EHMT1: variants seen among roughly 807,000 people sequenced by gnomAD.
The protein encoded by EHMT1 is histone-lysine N-methyltransferase EHMT1.
In EHMT1, 15 loss-of-function variants were observed where a neutral mutation model predicts 147.2. The observed-to-expected ratio is 0.10, with a 90% CI of 0.07 to 0.16. EHMT1 has a LOEUF of 0.16. Among genes scored for constraint, EHMT1 ranks in the 10% least tolerant of loss-of-function variants. EHMT1 has a pLI of 1.00. For missense variants in EHMT1, 1,587 were observed against 1,772.4 expected, an observed-to-expected ratio of 0.90 and a Z score of 1.88; for synonymous variants, 795 against 709.6, an observed-to-expected ratio of 1.12 and a Z score of -1.91.
intron 2 of EHMT1, among the ~76,000 whole-genome samples, chr9:137,716,017 G>T (rs149268937): frequency 0.02 from 2,956 of 150,296 alleles, 47 homozygotes; most frequent in Non-Finnish European, 0.031. Context: ...AATTGTGTTG[G>T]TGGTGGTGTC....
intron 25 of EHMT1, 42 bp from the exon 26 acceptor site, chr9:137,834,307 G>A: frequency 6.2e-7 from 1 of 1,610,104 alleles, no homozygotes; most frequent in East Asian, 2.2e-5. Flanking sequence ...GGCGTGTCGG[G>A]GCCTTGCTAA....
At chr9:137,663,146 T>G (rs1283784273) in intron 1 of EHMT1, among the ~76,000 whole-genome samples, 7 of 152,236 alleles carry the variant, frequency 4.6e-5, no homozygotes, top group African/African-American at 1.7e-4. Flanking sequence ...CTCATTTTAT[T>G]ATCTCTTTCC....
chr9:137,675,802 T>TTTTTTTTTTTTTTG (rs35541714), intron 1 of EHMT1, among the ~76,000 whole-genome samples: 16 of 104,728 alleles, frequency 1.5e-4, no homozygotes, highest in African/African-American at 6.7e-4. Context: ...TTTTTTTTTT[T>TTTTTTTTTTTTTTG]AGACGGAGTC....
At chr9:137,784,261 C>T in intron 15 of EHMT1, 1 of 1,508,332 alleles carries the variant, frequency 6.6e-7, no homozygotes. Context: ...GGAGCAGGTC[C>T]ATTCCTGGGG....
intron 1 of EHMT1, among the ~76,000 whole-genome samples, chr9:137,693,377 G>A (rs1943103510): frequency 6.6e-6 from 1 of 152,122 alleles, no homozygotes. Flanking sequence ...GAGTCCTGCA[G>A]CCCCCGCATA....
At chr9:137,778,854 G>A (rs747567998) in intron 13 of EHMT1, among the ~76,000 whole-genome samples, 31 of 152,348 alleles carry the variant, frequency 2.0e-4, no homozygotes, top group Non-Finnish European at 3.5e-4. Context: ...GCATGGTGCT[G>A]GCATCTGCTC....
At chr9:137,821,315 G>A (rs1371314371) in intron 25 of EHMT1, among the ~76,000 whole-genome samples, 4 of 117,010 alleles carry the variant, frequency 3.4e-5, no homozygotes, top group African/African-American at 1.2e-4. Flanking sequence ...CACTGCGCCC[G>A]GCCTTTTTTT....
At chr9:137,725,577 A>T (rs966724684) in intron 3 of EHMT1, among the ~76,000 whole-genome samples, 1 of 152,182 alleles carries the variant, frequency 6.6e-6, no homozygotes, top group Non-Finnish European at 1.5e-5. Context: ...ATGTGAATCC[A>T]GGGTAGGTTC....
chr9:137,729,444 G>C (rs897815987), intron 4 of EHMT1, among the ~76,000 whole-genome samples: 2 of 151,996 alleles, frequency 1.3e-5, no homozygotes, highest in African/African-American at 2.4e-5. Context: ...AAAATTAGCC[G>C]GGCATGGTGG....
intron 6 of EHMT1, among the ~76,000 whole-genome samples, chr9:137,745,251 C>G (rs894774671): frequency 1.8e-4 from 28 of 152,166 alleles, no homozygotes; most frequent in African/African-American, 6.5e-4. Context: ...CATTTTCTAT[C>G]ATTTGTCAGA....
chr9:137,834,804 A>C lies in EHMT1; in HGVS notation c.3748A>C (p.Lys1250Gln). The part of the protein sequence containing the change: ...FDYGERFWDI[K>Q]GKLFSCRCGS... ...CTATGGAGAGCGCTTCTGGGACATC[A>C]AAGGCAAGCTCTTCAGCTGCCGCTG... Residue 1250 changes from lysine (K) to glutamine (Q), a missense_variant, in exon 27 of 27, where the codon AAA becomes CAA. Transcript: ENST00000460843. The C allele has an allele frequency of 6.2e-7, 1 of 1,612,934 alleles. No individual in the cohort carries two copies. The highest frequency in any genetic ancestry group is 1.1e-5 in the South Asian group (1 of 91,064).
intron 24 of EHMT1, 104 bp downstream of exon 24, chr9:137,817,629 G>A: frequency 6.9e-7 from 1 of 1,452,404 alleles, no homozygotes; most frequent in South Asian, 1.2e-5. Flanking sequence ...GCACATCCCT[G>A]GCGTACAGCA....
intron 1 of EHMT1, among the ~76,000 whole-genome samples, chr9:137,670,058 C>T (rs1940378967): frequency 6.6e-6 from 1 of 152,028 alleles, no homozygotes; most frequent in Non-Finnish European, 1.5e-5. Context: ...TGAGGTTTCA[C>T]CTTGTTGGCC....
Position 137,752,346 on chromosome 9 carries a change from G to A in EHMT1, c.1186G>A (p.Glu396Lys). 2 of 1,614,182 alleles carry A rather than the reference G, an allele frequency of 1.2e-6. No homozygotes were observed. The highest frequency in any genetic ancestry group is 1.7e-6 in the Non-Finnish European group (2 of 1,180,032). ...DRAQKMDGES[E>K]EEQESVDTGE... is the part of the protein sequence containing the mutation. ...GGCTGATCAGATGGACGGGGAGTCC[G>A]AGGAGGAGCAGGAGTCCGTGGACAC... The change falls in exon 7 of 27, where the codon GAG (glutamate) becomes AAG (lysine). Residue 396 changes from glutamate to lysine, a missense_variant. By Grantham distance (56) the Glu-to-Lys change is moderately conservative. Around this residue, in one of 7 missense-constraint regions of EHMT1, gnomAD observed 810 missense variants for 673.0 expected, o/e 1.20. Coordinates refer to ENST00000460843, the MANE Select transcript of EHMT1 (RefSeq NM_024757.5).
chr9:137,819,695 G>A (rs1391607119), intron 25 of EHMT1, among the ~76,000 whole-genome samples: 1 of 151,546 alleles, frequency 6.6e-6, no homozygotes, highest in Non-Finnish European at 1.5e-5. Context: ...AGGCTGAGGA[G>A]CGGCTGTGTG....
In EHMT1 at chr9:137,775,395, G is replaced by A; in HGVS notation, c.1791+143G>A. ...TGGTGTCCGTCTGGAGGTCTCCAGT[G>A]TTCACAAGCCCCTCACCACCCCTGT... On this transcript the variant is annotated intron_variant, in intron 11 of 26. Transcript: ENST00000460843. This position sits in a 1 kb window ranked among gnomAD's most constrained non-coding sequence, Gnocchi z 6.1. 1 of 1,254,266 alleles carries A rather than the reference G, an allele frequency of 8.0e-7. No homozygotes were observed. Among genetic ancestry groups the A allele is most frequent in the South Asian group, 1.4e-5 (1 of 73,392 alleles). The allele number at this position is 1,254,266 out of a possible 1,614,324, so 77.7% of individuals were successfully genotyped here. A position where few individuals can be genotyped will look rare whatever the true frequency, so the allele number is the denominator to read the frequency against.
intron 1 of EHMT1, among the ~76,000 whole-genome samples, chr9:137,643,963 C>T (rs976044690): frequency 2.6e-5 from 4 of 152,192 alleles, no homozygotes; most frequent in African/African-American, 9.7e-5. Flanking sequence ...TCTGACGTGT[C>T]ATTGCGTGGT....
Position 137,732,084 on chromosome 9 carries a change from G to A in EHMT1, c.823+3555G>A, listed in dbSNP as rs765443045. Among the ~76,000 whole-genome samples, 5 of 152,230 alleles carry A rather than the reference G, an allele frequency of 3.3e-5. No individual in the cohort carries two copies. Among genetic ancestry groups the A allele is most frequent in the African/African-American group, 1.2e-4 (5 of 41,462 alleles). ...ACGGGCTGGGGTGTGTTCCCAGCTC[G>A]TTCAGTTCTGCCGCTTTCGCCCTGG... On this transcript the variant is annotated intron_variant, in intron 4 of 26. Coordinates refer to ENST00000460843, the MANE Select transcript of EHMT1 (RefSeq NM_024757.5). The surrounding 1 kb of genome is among the most constrained non-coding windows in gnomAD (Gnocchi z 4.6).
intron 1 of EHMT1, among the ~76,000 whole-genome samples, chr9:137,699,041 G>C (rs891223368): frequency 1.3e-5 from 2 of 152,206 alleles, no homozygotes; most frequent in East Asian, 1.9e-4. Context: ...CTTCGCCTGT[G>C]GGGGATGGTG....
Sources: allele counts gnomAD v4.1 joint callset (sites outside exome capture counted in the v4.1 genomes callset), GRCh38; gene constraint gnomAD v4.1.1; regional missense constraint gnomAD v4.1.1; non-coding constraint Gnocchi (gnomAD v3.1); transcripts MANE v1.5; gene names NCBI Gene and HGNC (gene_info 2026-07-23, HGNC 2026-07-21).